The following MCMDC2 variants were observed in gnomAD, a reference collection of about 807,000 sequenced individuals.
The protein encoded by MCMDC2 is minichromosome maintenance domain-containing protein 2.
In MCMDC2, 54 loss-of-function variants were observed where a neutral mutation model predicts 75.8. The ratio of observed to expected loss-of-function variants is 0.71; its 90% CI spans 0.57 to 0.89. The LOEUF is 0.89. Among genes scored for constraint, MCMDC2 ranks in the 40% least tolerant of loss-of-function variants. The probability of loss-of-function intolerance (pLI) is 0.00; values close to 1 mark genes in which losing one functional copy is unlikely to be tolerated. For missense variants in MCMDC2, 656 were observed against 780.4 expected, an observed-to-expected ratio of 0.84 and a Z score of 1.90; for synonymous variants, 249 against 274.6, an observed-to-expected ratio of 0.91 and a Z score of 0.92.
At position 66,878,825 on chromosome 8, in the gene MCMDC2, A is replaced by C. The variant is rs1355823318; in HGVS notation, c.615A>C (p.Ile205=). 15 of 1,599,702 alleles carry C rather than the reference A, an allele frequency of 9.4e-6. No individual in the cohort carries two copies. The highest frequency in any genetic ancestry group is 1.1e-5 in the Non-Finnish European group (13 of 1,173,906). ...GCTCTTTGCTTTAAGATAAACAAAT[A>C]GTTGAAATAATTGCCACAAAGGCAC... The part of the protein sequence containing the change: ...RKFRVLGDKQ[I]VEIIATKALR... The change falls in exon 7 of 15, where the codon ATA becomes ATC. Residue 205 remains isoleucine (I), a synonymous_variant. Transcript: ENST00000422365.
At chr8:66,905,061 G>A (rs984299058) in intron 13 of MCMDC2, among the ~76,000 whole-genome samples, 165 bp from the exon 14 acceptor site, 17 of 151,844 alleles carry the variant, frequency 1.1e-4, no homozygotes, top group African/African-American at 2.7e-4. Context: ...TATTTAAGTC[G>A]GTGGGGAAAA....
chr8:66,921,712 A>G lies in MCMDC2; in HGVS notation c.*2543A>G, dbSNP rs1007465825. 2 of 152,214 alleles carry G rather than the reference A, an allele frequency of 1.3e-5. No homozygotes were observed. The highest frequency in any genetic ancestry group is 2.4e-5 in the African/African-American group (1 of 41,454). The allele number at this position is 152,214 out of a possible 1,614,324, so 9.4% of individuals were successfully genotyped here. On this transcript the variant is annotated 3_prime_UTR_variant, in exon 15 of 15. Transcript: ENST00000422365. ...ATCTGTAAGGGGGAATTTGATTGCT[A>G]TTTGGTATTAAAGAGTTTTAAGATT...
At chr8:66,882,523 G>A (rs544831645) in intron 8 of MCMDC2, among the ~76,000 whole-genome samples, 30 of 152,030 alleles carry the variant, frequency 2.0e-4, no homozygotes, top group East Asian at 1.7e-3. Flanking sequence ...TCACCACCAC[G>A]CCCAGCTAAT....
At chr8:66,888,334 G>A (rs568775255) in intron 9 of MCMDC2, among the ~76,000 whole-genome samples, 5 of 152,208 alleles carry the variant, frequency 3.3e-5, no homozygotes, top group Admixed American at 6.5e-5. Flanking sequence ...TTCCCGCCTC[G>A]GCCTCTCAAA....
At chr8:66,875,353 C>T (rs1811229611) in intron 4 of MCMDC2, among the ~76,000 whole-genome samples, 1 of 152,110 alleles carries the variant, frequency 6.6e-6, no homozygotes, top group Admixed American at 6.5e-5. Flanking sequence ...GATCTTGACT[C>T]ACCACAACCT....
At chr8:66,871,842 G>A (rs889850981) in intron 1 of MCMDC2, among the ~76,000 whole-genome samples, 2 of 151,534 alleles carry the variant, frequency 1.3e-5, no homozygotes, top group Non-Finnish European at 2.9e-5. Flanking sequence ...AGAGGCTGCA[G>A]CAAGCCGAGA....
At chr8:66,891,753 C>A (rs896003188) in intron 10 of MCMDC2, among the ~76,000 whole-genome samples, 2 of 152,146 alleles carry the variant, frequency 1.3e-5, no homozygotes. Context: ...AAGCCAGGAG[C>A]GGAGCAGCGA....
intron 14 of MCMDC2, among the ~76,000 whole-genome samples, chr8:66,917,459 T>G (rs1813366203): frequency 6.6e-6 from 1 of 152,226 alleles, no homozygotes; most frequent in African/African-American, 2.4e-5. Context: ...CAGTTCAGTG[T>G]GTTTAGTACA....
intron 14 of MCMDC2, among the ~76,000 whole-genome samples, chr8:66,913,377 C>G (rs1398355793): frequency 6.6e-6 from 1 of 152,060 alleles, no homozygotes; most frequent in African/African-American, 2.4e-5. Context: ...ACTGAACCTG[C>G]AATATCTCTG....
At chr8:66,888,852 T>A (rs892879735) in intron 9 of MCMDC2, among the ~76,000 whole-genome samples, 2 of 152,200 alleles carry the variant, frequency 1.3e-5, no homozygotes, top group African/African-American at 4.8e-5. Flanking sequence ...GGAGAATTTT[T>A]AAAAAATATT....
Position 66,902,692 on chromosome 8 carries a change from C to CA in MCMDC2, c.1769+1364dup, listed in dbSNP as rs530805303. ...CTGGCGACAGAGCAAGATTCTGTCTCAAAAAAAAAAAAAAAAAAAATATAT... is the reference window on the plus strand; with the variant it reads ...CTGGCGACAGAGCAAGATTCTGTCTCAAAAAAAAAAAAAAAAAAAAATATAT... On this transcript the variant is annotated intron_variant, in intron 13 of 14. Transcript: ENST00000422365. 6.3e-3 allele frequency among the ~76,000 whole-genome samples: 359 copies of CA among 57,216 alleles called. 6 individuals carry two copies. Among genetic ancestry groups the CA allele is most frequent in the Middle Eastern group, 0.053 (2 of 38 alleles). The allele number at this position is 57,216 out of a possible 152,430, so 37.5% of individuals were successfully genotyped here.
At chr8:66,878,778 T>G (rs371584016) in intron 6 of MCMDC2, 37 bp from the exon 7 acceptor site, 670 of 1,458,386 alleles carry the variant, frequency 4.6e-4, no homozygotes, top group Non-Finnish European at 5.6e-4. Flanking sequence ...TGAATATATA[T>G]TCTAATATCT....
chr8:66,878,933 G>C lies in MCMDC2; in HGVS notation c.709+14G>C, dbSNP rs367695049. The stretch of plus-strand genomic sequence containing the variant: ...TTTTCCTAAGAGGTAAGTGAATTCT[G>C]TTTGAACTAAAAAAAAATTGCTATA... On this transcript the variant is annotated intron_variant, in intron 7 of 14. Coordinates refer to ENST00000422365, the MANE Select transcript of MCMDC2 (RefSeq NM_173518.5). 103 of 1,510,340 alleles carry C rather than the reference G, an allele frequency of 6.8e-5. No homozygotes were observed. Among genetic ancestry groups the C allele is most frequent in the Middle Eastern group, 2.3e-4 (1 of 4,434 alleles). 93.6% of individuals were successfully genotyped at this position (1,510,340 alleles called of 1,614,324 possible).
At chr8:66,885,596 T>A (rs565159810) in intron 9 of MCMDC2, among the ~76,000 whole-genome samples, 1 of 152,210 alleles carries the variant, frequency 6.6e-6, no homozygotes, top group East Asian at 1.9e-4. Context: ...TTTGGGGCTG[T>A]GTGAGAGATT....
At chr8:66,898,556 G>A (rs896917774) in intron 12 of MCMDC2, among the ~76,000 whole-genome samples, 2 of 151,474 alleles carry the variant, frequency 1.3e-5, no homozygotes, top group Admixed American at 6.6e-5. Context: ...CCCGGAAGGC[G>A]GAGGTTGAGG....
chr8:66,882,296 G>A (rs750731619), intron 8 of MCMDC2, among the ~76,000 whole-genome samples: 6 of 152,188 alleles, frequency 3.9e-5, no homozygotes, highest in African/African-American at 9.7e-5. Context: ...GGAAATCTCC[G>A]AGCTTTCGCA....
chr8:66,896,330 T>A lies in MCMDC2; in HGVS notation c.1440T>A (p.Gly480=), dbSNP rs780274849. ...CACAGAAAATCAACACTCTAATTGGTCAGATGGTAAGGTATATGTATATTT... is the reference window on the plus strand; with the variant it reads ...CACAGAAAATCAACACTCTAATTGGACAGATGGTAAGGTATATGTATATTT... ...RNAQKINTLI[G]QMDCSLIPAN... is the part of the protein sequence containing the mutation. Residue 480 remains glycine, a synonymous_variant, in exon 11 of 15, where the codon GGT becomes GGA. Transcript: ENST00000422365. 3 of 1,604,990 alleles carry A rather than the reference T, an allele frequency of 1.9e-6. No homozygotes were observed.
Position 66,920,575 on chromosome 8 carries a change from T to C in MCMDC2, c.*1406T>C, listed in dbSNP as rs892546841. On this transcript the variant is annotated 3_prime_UTR_variant, in exon 15 of 15. Coordinates refer to ENST00000422365, the MANE Select transcript of MCMDC2 (RefSeq NM_173518.5). ...TTACAGTTCTATAATGTTAAGACGT[T>C]TATTTTGTGCTTCTCAAATACTACA... The C allele has an allele frequency of 2.0e-5, 3 of 152,212 alleles. No individual in the cohort carries two copies. Among genetic ancestry groups the C allele is most frequent in the Non-Finnish European group, 4.4e-5 (3 of 68,040 alleles). 9.4% of individuals were successfully genotyped at this position (152,212 alleles called of 1,614,324 possible). A position where few individuals can be genotyped will look rare whatever the true frequency, so the allele number is the denominator to read the frequency against.
At chr8:66,877,044 C>T (rs1394033387) in intron 4 of MCMDC2, among the ~76,000 whole-genome samples, 1 of 152,066 alleles carries the variant, frequency 6.6e-6, no homozygotes, top group Admixed American at 6.5e-5. Flanking sequence ...ACAGGGTGAG[C>T]CACCGTGCCC....
Sources: gnomAD v4.1 joint callset for allele counts (sites outside exome capture counted in the v4.1 genomes callset) on GRCh38, gnomAD v4.1.1 for gene constraint, MANE v1.5 for transcripts, NCBI Gene and HGNC (gene_info 2026-07-23, HGNC 2026-07-21) for gene names.